Variants in ZC3H12B observed in about 807,000 individuals in gnomAD.
The protein encoded by ZC3H12B is probable ribonuclease ZC3H12B.
Under a neutral mutation model 43.9 loss-of-function variants are expected in ZC3H12B, and 7 were observed. The ratio of observed to expected loss-of-function variants is 0.16; its 90% CI spans 0.09 to 0.30. ZC3H12B has a LOEUF of 0.30. Among genes scored for constraint, ZC3H12B ranks in the 10% least tolerant of loss-of-function variants. The pLI is 1.00. For missense variants in ZC3H12B, 475 were observed against 670.2 expected, an observed-to-expected ratio of 0.71 and a Z score of 3.22; for synonymous variants, 222 against 241.7, an observed-to-expected ratio of 0.92 and a Z score of 0.76.
chrX:65,436,425 C>T (rs1440679562), intron 3 of ZC3H12B, among the ~76,000 whole-genome samples: 1 of 112,511 alleles, frequency 8.9e-6, no homozygotes, highest in Admixed American at 9.4e-5. Context: ...TCTATCTGGA[C>T]TTTTTACCAA....
At chrX:65,354,646 G>A in the ZC3H12B span, among the ~76,000 whole-genome samples, 1 of 111,381 alleles carries the variant, frequency 9.0e-6, no homozygotes, top group Non-Finnish European at 1.9e-5. Context: ...TCAGAAGATG[G>A]GTAATAACAA....
At chrX:65,386,123 C>G (rs2066521407) in intron 2 of ZC3H12B, among the ~76,000 whole-genome samples, 2 of 111,886 alleles carry the variant, frequency 1.8e-5, no homozygotes, top group African/African-American at 6.5e-5. Context: ...TGTTGTGTCT[C>G]TGCCAGACTT....
At chrX:65,476,924 C>T (rs372424663) in intron 3 of ZC3H12B, among the ~76,000 whole-genome samples, 6 of 107,871 alleles carry the variant, frequency 5.6e-5, no homozygotes, top group East Asian at 2.9e-4. Context: ...CAGGTTCAAG[C>T]GATTCTCCTA....
At chrX:65,448,195 A>G (rs1401727845) in intron 3 of ZC3H12B, among the ~76,000 whole-genome samples, 2 of 110,933 alleles carry the variant, frequency 1.8e-5, no homozygotes, top group Non-Finnish European at 3.8e-5. Context: ...AGACCACACC[A>G]CTGCACTCCA....
chrX:65,254,486 C>T, the ZC3H12B span, among the ~76,000 whole-genome samples: 5 of 112,115 alleles, frequency 4.5e-5, no homozygotes, highest in African/African-American at 1.6e-4. Context: ...CCAAGCCAGT[C>T]GACTGAACCC....
chrX:65,148,389 C>G, the ZC3H12B span, among the ~76,000 whole-genome samples: 1 of 111,870 alleles, frequency 8.9e-6, no homozygotes, highest in African/African-American at 3.2e-5. Flanking sequence ...TGGGATCAGC[C>G]TAGTACTGCT....
At chrX:65,274,747 C>T in the ZC3H12B span, among the ~76,000 whole-genome samples, 2 of 111,019 alleles carry the variant, frequency 1.8e-5, no homozygotes, top group African/African-American at 6.6e-5. Context: ...AGACACACTC[C>T]TATCCTGTCC....
At chrX:65,344,433 G>C in the ZC3H12B span, among the ~76,000 whole-genome samples, 1 of 111,862 alleles carries the variant, frequency 8.9e-6, no homozygotes, top group Non-Finnish European at 1.9e-5. Context: ...TAAGTCATAT[G>C]ATCTTCAGCA....
chrX:65,467,316 T>C (rs1201973921), intron 3 of ZC3H12B, among the ~76,000 whole-genome samples: 1 of 111,174 alleles, frequency 9.0e-6, no homozygotes, highest in African/African-American at 3.3e-5. Context: ...TATTCCATGA[T>C]ATACAGGTAC....
the ZC3H12B span, among the ~76,000 whole-genome samples, chrX:65,292,975 C>A: frequency 3.6e-5 from 4 of 112,130 alleles, no homozygotes; most frequent in African/African-American, 1.3e-4. Context: ...CAGAGCAAGA[C>A]CCTGTCTCAA....
At chrX:65,442,268 AT>A (rs1266350932) in intron 3 of ZC3H12B, among the ~76,000 whole-genome samples, 1 of 110,002 alleles carries the variant, frequency 9.1e-6, no homozygotes, top group African/African-American at 3.3e-5. Flanking sequence ...CGGGATTAGC[AT>A]TGTCGAAAGC....
At chrX:65,207,905 T>G in the ZC3H12B span, among the ~76,000 whole-genome samples, 1 of 18,416 alleles carries the variant, frequency 5.4e-5, no homozygotes, top group African/African-American at 2.5e-4. Flanking sequence ...CCCTTGTAAG[T>G]TGGATTCCTA....
the ZC3H12B span, among the ~76,000 whole-genome samples, chrX:65,265,352 G>A: frequency 1.8e-5 from 2 of 111,764 alleles, no homozygotes; most frequent in African/African-American, 6.5e-5. Flanking sequence ...GAGTGTGCAT[G>A]GTCCACCAAA....
At chrX:65,255,164 T>C in the ZC3H12B span, among the ~76,000 whole-genome samples, 2 of 111,719 alleles carry the variant, frequency 1.8e-5, no homozygotes, top group Non-Finnish European at 3.8e-5. Flanking sequence ...AATAAAATTT[T>C]CCCAACTTCA....
At chrX:65,231,378 CAG>C in the ZC3H12B span, among the ~76,000 whole-genome samples, 1 of 111,378 alleles carries the variant, frequency 9.0e-6, no homozygotes, top group African/African-American at 3.3e-5. Context: ...TAACAGGAAA[CAG>C]GGTTCGAGAG....
chrX:65,352,183 G>A, the ZC3H12B span, among the ~76,000 whole-genome samples: 1 of 111,859 alleles, frequency 8.9e-6, no homozygotes, highest in Non-Finnish European at 1.9e-5. Flanking sequence ...GGATGATGCT[G>A]GAAACCATCA....
chrX:65,452,869 C>T (rs989253479), intron 3 of ZC3H12B, among the ~76,000 whole-genome samples: 6 of 105,714 alleles, frequency 5.7e-5, no homozygotes, highest in Middle Eastern at 4.9e-3. Context: ...CACACACACA[C>T]ACACACACAC....
the ZC3H12B span, among the ~76,000 whole-genome samples, chrX:65,193,123 T>C: frequency 9.1e-6 from 1 of 109,544 alleles, no homozygotes; most frequent in Non-Finnish European, 1.9e-5. Context: ...TTTTTTTTTT[T>C]TCTTTTAATG....
the ZC3H12B span, among the ~76,000 whole-genome samples, chrX:65,212,600 A>G: frequency 2.4e-5 from 2 of 82,875 alleles, no homozygotes; most frequent in South Asian, 5.3e-4. Context: ...TATATAATAT[A>G]TAATTACATA....
Sources: allele counts gnomAD v4.1 joint callset (sites outside exome capture counted in the v4.1 genomes callset), GRCh38; gene constraint gnomAD v4.1.1; transcripts MANE v1.5; gene names NCBI Gene and HGNC (gene_info 2026-07-23, HGNC 2026-07-21).